The following DLG2 variants were observed in gnomAD, a reference collection of about 807,000 sequenced individuals.
DLG2 encodes disks large homolog 2.
A neutral mutation model predicts 132.5 loss-of-function variants in DLG2; 45 were observed. The ratio of observed to expected loss-of-function variants is 0.34; its 90% confidence interval spans 0.27 to 0.44. The LOEUF is 0.44. Among genes scored for constraint, DLG2 ranks in the 20% least tolerant of loss-of-function variants. DLG2 has a pLI of 1.00. For synonymous variants in DLG2, 424 were observed against 419.6 expected (o/e 1.01, Z -0.13); for missense variants, 1,045 against 1,196.9 (o/e 0.87, Z 1.87).
intron 9 of DLG2, among the ~76,000 whole-genome samples, chr11:84,103,192 C>A (rs7933714): frequency 0.054 from 8,177 of 152,206 alleles, 262 homozygotes; most frequent in African/African-American, 0.075. Flanking sequence ...TTGTTCTCTT[C>A]CAGCCTTCCC....
At chr11:85,015,947 C>G (rs1177417132) in intron 6 of DLG2, among the ~76,000 whole-genome samples, 1 of 151,848 alleles carries the variant, frequency 6.6e-6, no homozygotes, top group Admixed American at 6.6e-5. Context: ...GAATTGGGAG[C>G]AGCACAAAAA....
At chr11:84,597,526 G>A (rs1441387141) in intron 6 of DLG2, among the ~76,000 whole-genome samples, 1 of 152,150 alleles carries the variant, frequency 6.6e-6, no homozygotes, top group African/African-American at 2.4e-5. Context: ...AGTAGAGGAA[G>A]ATGAAAGCAT....
intron 6 of DLG2, among the ~76,000 whole-genome samples, chr11:84,771,758 C>A (rs11518753): frequency 0.26 from 39,430 of 151,960 alleles, 5,594 homozygotes; most frequent in Admixed American, 0.3. Flanking sequence ...AACCAGCTAA[C>A]AACTTTATGA....
chr11:84,801,397 G>A (rs1390585865), intron 6 of DLG2, among the ~76,000 whole-genome samples: 3 of 152,062 alleles, frequency 2.0e-5, no homozygotes, highest in Admixed American at 6.6e-5. Flanking sequence ...GTGAAACCCC[G>A]TCTCTACTAA....
At chr11:85,149,118 T>G (rs1440530507) in intron 5 of DLG2, among the ~76,000 whole-genome samples, 1 of 152,218 alleles carries the variant, frequency 6.6e-6, no homozygotes, top group Non-Finnish European at 1.5e-5. Flanking sequence ...ATGTCTGTTT[T>G]GGTACCAGTA....
chr11:84,996,888 C>T (rs1381284705), intron 6 of DLG2, among the ~76,000 whole-genome samples: 1 of 152,122 alleles, frequency 6.6e-6, no homozygotes, highest in Non-Finnish European at 1.5e-5. Context: ...ACAGATAGGA[C>T]ATGTTATTTA....
At chr11:85,480,456 T>G (rs560040356) in intron 3 of DLG2, among the ~76,000 whole-genome samples, 1 of 152,174 alleles carries the variant, frequency 6.6e-6, no homozygotes, top group African/African-American at 2.4e-5. Flanking sequence ...TAAGGATGAA[T>G]CTCATAGATG....
intron 6 of DLG2, among the ~76,000 whole-genome samples, chr11:85,053,298 G>A (rs1422743290): frequency 2.6e-5 from 4 of 152,166 alleles, no homozygotes; most frequent in Admixed American, 6.5e-5. Flanking sequence ...GATTCAGAAT[G>A]TAGTGTGGGG....
At chr11:83,749,147 T>C (rs1398821963) in intron 18 of DLG2, among the ~76,000 whole-genome samples, 1 of 152,136 alleles carries the variant, frequency 6.6e-6, no homozygotes, top group Non-Finnish European at 1.5e-5. Flanking sequence ...ACATTGGAAT[T>C]CTAGCAGCAC....
At chr11:83,791,602 G>A (rs1355323354) in intron 17 of DLG2, 12 of 409,486 alleles carry the variant, frequency 2.9e-5, no homozygotes, top group East Asian at 1.8e-4. Context: ...CTAATCCAAC[G>A]GATGAAAATA....
At chr11:84,061,230 G>T (rs2096586163) in intron 10 of DLG2, among the ~76,000 whole-genome samples, 1 of 152,050 alleles carries the variant, frequency 6.6e-6, no homozygotes, top group South Asian at 2.1e-4. Flanking sequence ...CTGTAAATTG[G>T]ATATAATAGT....
chr11:84,092,692 A>G (rs2154171612), intron 10 of DLG2, among the ~76,000 whole-genome samples: 1 of 152,264 alleles, frequency 6.6e-6, no homozygotes, highest in East Asian at 1.9e-4. Flanking sequence ...TCGCACACAC[A>G]GGAAGGTTTT....
At chr11:85,412,760 C>CACACATATATATAT (rs756868795) in intron 3 of DLG2, among the ~76,000 whole-genome samples, 24 of 113,276 alleles carry the variant, frequency 2.1e-4, no homozygotes, top group Middle Eastern at 4.5e-3. Context: ...CACACACACA[C>CACACATATATATAT]ATATATATAT....
chr11:85,055,651 T>C (rs768912774), intron 6 of DLG2, among the ~76,000 whole-genome samples: 5 of 152,148 alleles, frequency 3.3e-5, no homozygotes, highest in African/African-American at 4.8e-5. Context: ...AATCCAACAC[T>C]ATGTGCTGTT....
intron 3 of DLG2, among the ~76,000 whole-genome samples, chr11:85,516,147 A>C (rs192684539): frequency 2.0e-5 from 3 of 152,040 alleles, no homozygotes; most frequent in Non-Finnish European, 4.4e-5. Context: ...TTCTAAGAAG[A>C]ACTCTCAAAA....
chr11:85,596,923 T>G (rs975021017), intron 3 of DLG2, among the ~76,000 whole-genome samples: 1 of 152,250 alleles, frequency 6.6e-6, no homozygotes, highest in Non-Finnish European at 1.5e-5. Context: ...AATGTTGCTC[T>G]CTTGTTTGCA....
At position 84,081,558 on chromosome 11, in the gene DLG2, G is replaced by A. The variant is rs962591614; in HGVS notation, c.749+17365C>T. Among the ~76,000 whole-genome samples, 12 of 152,150 alleles carry A rather than the reference G, an allele frequency of 7.9e-5. 1 individual carries two copies. Among genetic ancestry groups the A allele is most frequent in the African/African-American group, 2.9e-4 (12 of 41,430 alleles). ...TTCTCATTGTTAAATTCCCTCCTAT[G>A]AGTGAGAACATATGGTGTTTGGTTT... On this transcript the variant is annotated intron_variant, in intron 10 of 27. Transcript: ENST00000376104.
chr11:84,916,327 C>T (rs1261065946), intron 6 of DLG2, among the ~76,000 whole-genome samples: 7 of 106,038 alleles, frequency 6.6e-5, no homozygotes, highest in Admixed American at 1.6e-4. Context: ...CCAGCCTGGG[C>T]GACAGAGCGA....
chr11:84,881,945 T>C (rs1325736197), intron 6 of DLG2, among the ~76,000 whole-genome samples: 1 of 152,130 alleles, frequency 6.6e-6, no homozygotes, highest in Non-Finnish European at 1.5e-5. Flanking sequence ...CCTTTTATTC[T>C]GTTTAAAGTT....
Sources: gnomAD v4.1 joint callset for allele counts (sites outside exome capture counted in the v4.1 genomes callset) on GRCh38, gnomAD v4.1.1 for gene constraint, MANE v1.5 for transcripts, NCBI Gene and HGNC (gene_info 2026-07-23, HGNC 2026-07-21) for gene names.